The following BTBD8 variants were observed in gnomAD, a reference collection of about 807,000 sequenced individuals.
The protein encoded by BTBD8 is BTB/POZ domain-containing protein 8.
A neutral mutation model predicts 162.9 loss-of-function variants in BTBD8; 110 were observed. The ratio of observed to expected loss-of-function variants is 0.68; its 90% CI spans 0.58 to 0.79. BTBD8 has a LOEUF of 0.79. BTBD8 is among the 30% of genes least tolerant of loss of function. BTBD8 has a pLI of 0.00. For synonymous variants in BTBD8, 667 were observed against 716.1 expected, an observed-to-expected ratio of 0.93 and a Z score of 1.10; for missense variants, 1,905 against 2,085.4, an observed-to-expected ratio of 0.91 and a Z score of 1.68.
At chr1:92,087,040 C>T (rs1218267553) in intron 1 of BTBD8, among the ~76,000 whole-genome samples, 1 of 152,158 alleles carries the variant, frequency 6.6e-6, no homozygotes, top group Non-Finnish European at 1.5e-5. Context: ...CTGGACTTTA[C>T]TATTCGATGG....
At chr1:92,154,965 T>C (rs995245359) in intron 9 of BTBD8, among the ~76,000 whole-genome samples, 1 of 152,188 alleles carries the variant, frequency 6.6e-6, no homozygotes, top group Non-Finnish European at 1.5e-5. Context: ...GGTGAAATTG[T>C]ATTCTTTTGC....
chr1:92,108,166 A>G (rs913344624), intron 4 of BTBD8, among the ~76,000 whole-genome samples, 165 bp downstream of exon 4: 25 of 152,260 alleles, frequency 1.6e-4, no homozygotes, highest in Admixed American at 6.5e-5. Context: ...GGGGAGTCCA[A>G]CAGGGGAAGA....
chr1:92,147,085 T>C lies in BTBD8; in HGVS notation c.931-95T>C, dbSNP rs1044602993. ...ATTTTGAGTTGTATGTGTTCTGCAG[T>C]TTAGGTATATAAATTGGATTATCTT... On this transcript the variant is annotated intron_variant, in intron 7 of 17. Coordinates refer to ENST00000636805, the MANE Select transcript of BTBD8 (RefSeq NM_001376131.1). 2.4e-5 allele frequency: 20 copies of C among 824,904 alleles called. No homozygotes were observed. The African/African-American group carries it at 3.3e-4, about 14-fold the overall frequency. 51.1% of individuals were successfully genotyped at this position (824,904 alleles called of 1,614,324 possible). A position where few individuals can be genotyped will look rare whatever the true frequency, so the allele number is the denominator to read the frequency against.
At chr1:92,113,720 T>A (rs1047067601) in intron 4 of BTBD8, among the ~76,000 whole-genome samples, 1 of 150,622 alleles carries the variant, frequency 6.6e-6, no homozygotes, top group Non-Finnish European at 1.5e-5. Context: ...CAGTCAAAGA[T>A]TAGAGGGGTA....
intron 6 of BTBD8, 65 bp from the exon 7 acceptor site, chr1:92,141,050 A>G (rs1649764321): frequency 2.9e-6 from 4 of 1,378,086 alleles, no homozygotes; most frequent in Non-Finnish European, 2.9e-6. Flanking sequence ...TTATCAATAA[A>G]TTAGTATGTG....
chr1:92,176,967 A>C lies in BTBD8; in HGVS notation c.1774A>C (p.Ser592Arg), dbSNP rs1024555094. 2 of 1,547,668 alleles carry C rather than the reference A, an allele frequency of 1.3e-6. No individual in the cohort carries two copies. Among genetic ancestry groups the C allele is most frequent in the Non-Finnish European group, 1.7e-6 (2 of 1,145,008 alleles). ...ATTAGGAGCATCTGGACATTCGTCAAGTACCAATAGAAATAGTATAAATAA... is the reference window on the plus strand; with the variant it reads ...ATTAGGAGCATCTGGACATTCGTCACGTACCAATAGAAATAGTATAAATAA... ...DGLGASGHSS[S>R]TNRNSINKTL... Residue 592 changes from serine to arginine, a missense_variant, in exon 14 of 18, where the codon AGT becomes CGT. Ser to Arg is a moderately radical substitution (Grantham distance 110). Coordinates refer to ENST00000636805, the MANE Select transcript of BTBD8 (RefSeq NM_001376131.1).
chr1:92,129,443 G>A (rs773953910), intron 4 of BTBD8, among the ~76,000 whole-genome samples: 5 of 151,840 alleles, frequency 3.3e-5, no homozygotes, highest in South Asian at 2.1e-4. Context: ...CTATGATCAC[G>A]CCACTGCATT....
chr1:92,177,150 A>C lies in BTBD8; in HGVS notation c.1957A>C (p.Met653Leu). 6.4e-7 allele frequency: 1 copy of C among 1,551,808 alleles called. No individual in the cohort carries two copies. Among genetic ancestry groups the C allele is most frequent in the Non-Finnish European group, 8.7e-7 (1 of 1,147,008 alleles). The change falls in exon 14 of 18, where the codon ATG (methionine) becomes CTG (leucine). Residue 653 changes from methionine (M) to leucine (L), a missense_variant. Physicochemically the swap from Met to Leu is conservative, Grantham distance 15 (BLOSUM62 2). This residue lies in a region of BTBD8 where 1,374 missense variants were observed against 1,442.7 expected (regional missense o/e 0.95). Transcript: ENST00000636805. ...ENGDKARLENMSPRQVVERSA... is the reference protein window; with the variant it reads ...ENGDKARLENLSPRQVVERSA... ...TGGTGATAAGGCACGGTTGGAAAAC[A>C]TGTCACCTAGACAAGTTGTAGAAAG...
chr1:92,145,543 G>T (rs1009379846), intron 7 of BTBD8, among the ~76,000 whole-genome samples: 14 of 152,204 alleles, frequency 9.2e-5, no homozygotes, highest in African/African-American at 3.4e-4. Context: ...AAATAAATGT[G>T]CTTAGAAACG....
chr1:92,161,298 G>A (rs1190048221), intron 9 of BTBD8, among the ~76,000 whole-genome samples: 3 of 152,132 alleles, frequency 2.0e-5, no homozygotes, highest in Non-Finnish European at 4.4e-5. Context: ...TTCTAATTCA[G>A]TTCAACCACA....
chr1:92,139,529 T>C, intron 6 of BTBD8, 99 bp downstream of exon 6: 1 of 1,479,480 alleles, frequency 6.8e-7, no homozygotes, highest in Non-Finnish European at 8.9e-7. Flanking sequence ...CTTTGCTTTT[T>C]ATAGTCTATT....
chr1:92,104,208 T>C (rs1648668970), intron 3 of BTBD8, among the ~76,000 whole-genome samples: 1 of 152,266 alleles, frequency 6.6e-6, no homozygotes, highest in Non-Finnish European at 1.5e-5. Context: ...GAATTGATTG[T>C]ATTTGAAAAT....
At chr1:92,159,225 T>C (rs1469383643) in intron 9 of BTBD8, among the ~76,000 whole-genome samples, 1 of 151,490 alleles carries the variant, frequency 6.6e-6, no homozygotes, top group Non-Finnish European at 1.5e-5. Flanking sequence ...TAGGCTGGAG[T>C]GCAGTGGCAC....
chr1:92,167,856 A>T lies in BTBD8; in HGVS notation c.1314A>T (p.Ala438=), dbSNP rs1355343682. ...ENFALLLQSQ[A]MSSTADLLDT... is the part of the protein sequence containing the mutation. Reference sequence around the variant, plus strand: ...ATTTCTGTGTTTTATAGTCACAAGCAATGAGCAGCACAGCCGATCTGTTGG... The same window carrying T: ...ATTTCTGTGTTTTATAGTCACAAGCTATGAGCAGCACAGCCGATCTGTTGG... Residue 438 remains alanine (A), a synonymous_variant, in exon 11 of 18, where the codon GCA becomes GCT. Coordinates refer to ENST00000636805, the MANE Select transcript of BTBD8 (RefSeq NM_001376131.1). 5 of 1,548,542 alleles carry T rather than the reference A, an allele frequency of 3.2e-6. No individual in the cohort carries two copies. The highest frequency in any genetic ancestry group is 4.4e-6 in the Non-Finnish European group (5 of 1,145,138).
At chr1:92,114,850 G>A (rs1648991405) in intron 4 of BTBD8, 1 of 345,596 alleles carries the variant, frequency 2.9e-6, no homozygotes. Context: ...CCCTGTTGCT[G>A]TAGCCAAATT....
intron 4 of BTBD8, among the ~76,000 whole-genome samples, chr1:92,120,363 C>A (rs1649176316): frequency 1.3e-5 from 2 of 152,164 alleles, no homozygotes; most frequent in Admixed American, 1.3e-4. Context: ...CAGTAACGGA[C>A]ATGGAGCTGT....
intron 5 of BTBD8, among the ~76,000 whole-genome samples, chr1:92,131,494 C>T (rs1196618032): frequency 6.6e-6 from 1 of 152,232 alleles, no homozygotes. Context: ...GAGGCCAGGG[C>T]GAGTGGATCA....
At chr1:92,139,683 T>C in intron 6 of BTBD8, 2 of 621,256 alleles carry the variant, frequency 3.2e-6, no homozygotes, top group Non-Finnish European at 4.3e-6. Context: ...AGCTATAAAT[T>C]ATGGTTTATA....
In BTBD8 at chr1:92,180,286, A is replaced by G. The variant is rs1650842915; in HGVS notation, c.2603A>G (p.Asn868Ser). 1 of 1,545,698 alleles carries G rather than the reference A, an allele frequency of 6.5e-7. No individual in the cohort carries two copies. Among genetic ancestry groups the G allele is most frequent in the Non-Finnish European group, 8.7e-7 (1 of 1,145,198 alleles). The change falls in exon 17 of 18, where the codon AAC (asparagine) becomes AGC (serine). Residue 868 changes from asparagine to serine, a missense_variant. By Grantham distance (46) the Asn-to-Ser change is conservative (BLOSUM62 1). Coordinates refer to ENST00000636805, the MANE Select transcript of BTBD8 (RefSeq NM_001376131.1). ...KTQGSQGESP[N>S]SVKSSVSSRQ... ...TTAGGATCCCAAGGAGAGTCACCAA[A>G]CTCAGTAAAATCTTCAGTCTCTTCA...
Sources: gnomAD v4.1 joint callset for allele counts (sites outside exome capture counted in the v4.1 genomes callset) on GRCh38, gnomAD v4.1.1 for gene constraint, gnomAD v4.1.1 regional missense constraint, MANE v1.5 for transcripts, NCBI Gene and HGNC (gene_info 2026-07-23, HGNC 2026-07-21) for gene names.